Variants in MRTO4 observed in about 807,000 individuals in gnomAD.
The protein encoded by MRTO4 is mRNA turnover protein 4 homolog.
In MRTO4, 7 loss-of-function variants were observed where a neutral mutation model predicts 28.6. That is an observed-to-expected ratio of 0.24 (90% CI 0.14 to 0.46). MRTO4 has a LOEUF of 0.46. Ranked by LOEUF, MRTO4 falls within the 20% of genes least tolerant of loss-of-function variation. The pLI, the probability that MRTO4 is intolerant of heterozygous loss-of-function variation, is 0.99. For missense variants in MRTO4, 302 were observed against 298.3 expected (o/e 1.01, Z -0.09); for synonymous variants, 113 against 108.2 (o/e 1.04, Z -0.27).
rs2093675012 is a variant in MRTO4, at chr1:19,258,527, C to T, written c.544C>T (p.Leu182=). The T allele has an allele frequency of 1.2e-6, 2 of 1,614,092 alleles. No homozygotes were observed. The highest frequency in any genetic ancestry group is 1.7e-6 in the Non-Finnish European group (2 of 1,180,050). The part of the protein sequence containing the change: ...DYEVCKEGDV[L]TPEQARVLKL... ...CGAGGTGTGCAAGGAGGGCGATGTG[C>T]TGACCCCAGAGCAGGCTCGCGTCCT... is the stretch of plus-strand genomic sequence containing the variant. Residue 182 remains leucine, a synonymous_variant, in exon 7 of 8, where the codon CTG becomes TTG. Coordinates refer to ENST00000330263, the MANE Select transcript of MRTO4 (RefSeq NM_016183.4).
chr1:19,252,688 G>A (rs570293658), intron 1 of MRTO4, among the ~76,000 whole-genome samples: 1 of 152,220 alleles, frequency 6.6e-6, no homozygotes, highest in Non-Finnish European at 1.5e-5. Context: ...ACGACAGAGC[G>A]AGACTCCGTC....
chr1:19,254,073 T>TG (rs1202611515), intron 1 of MRTO4, among the ~76,000 whole-genome samples: 3 of 152,136 alleles, frequency 2.0e-5, no homozygotes, highest in African/African-American at 7.2e-5. Flanking sequence ...CTCTGCATCA[T>TG]GGTCAAGAGC....
rs137997424 is a variant in MRTO4 at position 19,258,809 on chromosome 1, A to G, written c.699A>G (p.Ser233=). Residue 233 remains serine (S), a synonymous_variant, in exon 8 of 8, where the codon TCA becomes TCG. Coordinates refer to ENST00000330263, the MANE Select transcript of MRTO4 (RefSeq NM_016183.4). ...GCGCATCTGAGTCCACAGAAGAGTC[A>G]GACTCAGAAGATGATGACTGAAAGG... is the stretch of plus-strand genomic sequence containing the variant. The part of the protein sequence containing the change: ...PESASESTEE[S]DSEDDD 9 of 1,614,092 alleles carry G rather than the reference A, an allele frequency of 5.6e-6. No homozygotes were observed. In the African/African-American group the frequency reaches 1.2e-4, roughly 22 times the overall value.
intron 5 of MRTO4, 43 bp downstream of exon 5, chr1:19,257,564 G>A (rs1363161436): frequency 1.9e-6 from 3 of 1,606,316 alleles, no homozygotes; most frequent in Non-Finnish European, 1.7e-6. Flanking sequence ...CGGGTGAGAG[G>A]GGATTTCAGG....
At chr1:19,257,264 G>A in intron 4 of MRTO4, 119 bp downstream of exon 4, 2 of 1,251,300 alleles carry the variant, frequency 1.6e-6, no homozygotes, top group African/African-American at 1.5e-5. Flanking sequence ...AGCAGGGCCT[G>A]GCTTAAAGCT....
At chr1:19,257,340 A>G (rs2093672959) in intron 4 of MRTO4, 114 bp from the exon 5 acceptor site, 6 of 1,335,488 alleles carry the variant, frequency 4.5e-6, no homozygotes, top group Non-Finnish European at 5.4e-6. Flanking sequence ...CCTTCCTGCT[A>G]TGACAACCAA....
At position 19,259,003 on chromosome 1, in the gene MRTO4, C is replaced by T. The variant is rs2093676102; in HGVS notation, c.*173C>T. ...GTGGGCCGGGCGCGGTGGCTCACGCCTGGAATCCCAGCACTTTGGGAAGCC... is the reference window on the plus strand; with the variant it reads ...GTGGGCCGGGCGCGGTGGCTCACGCTTGGAATCCCAGCACTTTGGGAAGCC... On this transcript the variant is annotated 3_prime_UTR_variant, in exon 8 of 8. Coordinates refer to ENST00000330263, the MANE Select transcript of MRTO4 (RefSeq NM_016183.4). 2.5e-6 allele frequency: 2 copies of T among 789,936 alleles called. No individual in the cohort carries two copies. The highest frequency in any genetic ancestry group is 2.8e-5 in the East Asian group (1 of 36,226). 48.9% of individuals were successfully genotyped at this position (789,936 alleles called of 1,614,324 possible). A position where few individuals can be genotyped will look rare whatever the true frequency, so the allele number is the denominator to read the frequency against.
chr1:19,257,017 A>C, intron 3 of MRTO4, 47 bp from the exon 4 acceptor site: 3 of 1,579,556 alleles, frequency 1.9e-6, no homozygotes, highest in Non-Finnish European at 2.6e-6. Flanking sequence ...AGGGATGGGG[A>C]GGGCAGGGCT....
chr1:19,254,939 A>C, intron 2 of MRTO4, 99 bp downstream of exon 2: 1 of 1,042,770 alleles, frequency 9.6e-7, no homozygotes, highest in Non-Finnish European at 1.4e-6. Context: ...AGGGGAACAT[A>C]CTAGTGGGGA....
rs79392756 is a variant in MRTO4 at position 19,254,030 on chromosome 1, C to T, written c.29-752C>T. Among the ~76,000 whole-genome samples, 515 of 152,280 alleles carry T rather than the reference C, an allele frequency of 3.4e-3. 5 individuals are homozygous for T. The highest frequency in any genetic ancestry group is 0.012 in the African/African-American group (483 of 41,534). On this transcript the variant is annotated intron_variant, in intron 1 of 7. Transcript: ENST00000330263. The stretch of plus-strand genomic sequence containing the variant: ...TACCAGGAGATTCAGTCCCCAGCCT[C>T]ATGGTTGCACAGCATAGGCCAGCTA...
intron 6 of MRTO4, 82 bp from the exon 7 acceptor site, chr1:19,258,395 G>C: frequency 6.5e-7 from 1 of 1,547,742 alleles, no homozygotes; most frequent in Non-Finnish European, 8.9e-7. Flanking sequence ...TGGCTGACTG[G>C]ATTCCTCCCA....
At chr1:19,255,508 A>C (rs2093670214) in intron 2 of MRTO4, among the ~76,000 whole-genome samples, 1 of 152,016 alleles carries the variant, frequency 6.6e-6, no homozygotes. Context: ...AGGCTGGGTG[A>C]AACAGTCTCC....
chr1:19,254,193 C>G (rs144437138), intron 1 of MRTO4, among the ~76,000 whole-genome samples: 1 of 152,158 alleles, frequency 6.6e-6, no homozygotes, highest in African/African-American at 2.4e-5. Context: ...GGCAACATGG[C>G]AAAAGCCATC....
At chr1:19,257,025 G>A in intron 3 of MRTO4, 39 bp from the exon 4 acceptor site, 3 of 1,598,532 alleles carry the variant, frequency 1.9e-6, no homozygotes, top group Non-Finnish European at 2.6e-6. Context: ...GGAGGGCAGG[G>A]CTCTTCCTTC....
chr1:19,257,741 G>T lies in MRTO4; in HGVS notation c.342-92G>T, dbSNP rs1173504715. The stretch of plus-strand genomic sequence containing the variant: ...CAGCCAAGGTCTGTGATGGGGGAAG[G>T]CCCAGGGCCACGGGACACTTGGGGG... On this transcript the variant is annotated intron_variant, in intron 5 of 7. Transcript: ENST00000330263. The T allele has an allele frequency of 3.3e-6, 5 of 1,531,760 alleles. No homozygotes were observed. In the African/African-American group the frequency reaches 6.8e-5, roughly 21 times the overall value. The allele number at this position is 1,531,760 out of a possible 1,614,324, so 94.9% of individuals were successfully genotyped here.
chr1:19,258,196 C>T (rs1052167963), intron 6 of MRTO4, among the ~76,000 whole-genome samples: 1 of 151,150 alleles, frequency 6.6e-6, no homozygotes, highest in Non-Finnish European at 1.5e-5. Context: ...AGGGGCCTTG[C>T]GCTTGTTTAA....
chr1:19,255,403 T>TA (rs5772837), intron 2 of MRTO4, among the ~76,000 whole-genome samples: 87 of 146,546 alleles, frequency 5.9e-4, no homozygotes, highest in Admixed American at 1.7e-3. Context: ...ACCCTGTCTT[T>TA]AAAAAAAAAA....
chr1:19,258,692 G>A lies in MRTO4; in HGVS notation c.582G>A (p.Gly194=), dbSNP rs2093675408. The change falls in exon 8 of 8, where the codon GGG becomes GGA. Residue 194 remains glycine, a synonymous_variant. Transcript: ENST00000330263. ...TTTGTCTCTTGCAGAAGCTTTTTGGGTATGAGATGGCTGAATTCAAGGTGA... is the reference window on the plus strand; with the variant it reads ...TTTGTCTCTTGCAGAAGCTTTTTGGATATGAGATGGCTGAATTCAAGGTGA... ...PEQARVLKLF[G]YEMAEFKVTI... is the part of the protein sequence containing the mutation. The A allele has an allele frequency of 1.2e-6, 2 of 1,614,070 alleles. No homozygotes were observed. The highest frequency in any genetic ancestry group is 2.2e-5 in the South Asian group (2 of 91,088).
chr1:19,251,959 A>C lies in MRTO4; in HGVS notation c.28+96A>C, dbSNP rs1569587166. 4 of 1,490,000 alleles carry C rather than the reference A, an allele frequency of 2.7e-6. No individual in the cohort carries two copies. The Admixed American group carries it at 6.2e-5, about 23-fold the overall frequency. The allele number at this position is 1,490,000 out of a possible 1,614,324, so 92.3% of individuals were successfully genotyped here. A position where few individuals can be genotyped will look rare whatever the true frequency, so the allele number is the denominator to read the frequency against. Reference sequence around the variant, plus strand: ...TCGGGGCGGCGGGGGCGCAGATTGGAACGCCAGGACATCCTCGAGGTGTTC... The same window carrying C: ...TCGGGGCGGCGGGGGCGCAGATTGGCACGCCAGGACATCCTCGAGGTGTTC... On this transcript the variant is annotated intron_variant, in intron 1 of 7. Transcript: ENST00000330263.
Sources: gnomAD v4.1 joint callset for allele counts (sites outside exome capture counted in the v4.1 genomes callset) on GRCh38, gnomAD v4.1.1 for gene constraint, MANE v1.5 for transcripts, NCBI Gene and HGNC (gene_info 2026-07-23, HGNC 2026-07-21) for gene names.